DPF3: variants seen among roughly 807,000 people sequenced by gnomAD.
DPF3 encodes double PHD fingers 3.
Under a neutral mutation model 56.8 loss-of-function variants are expected in DPF3, and 18 were observed. That is an observed-to-expected ratio of 0.32 (90% CI 0.22 to 0.47). The LOEUF is 0.47. Ranked by LOEUF, DPF3 falls within the 20% of genes least tolerant of loss-of-function variation. The pLI, the probability that DPF3 is intolerant of heterozygous loss-of-function variation, is 1.00. For missense variants in DPF3, 403 were observed against 488.8 expected, an observed-to-expected ratio of 0.82 and a Z score of 1.65; for synonymous variants, 188 against 180.2, an observed-to-expected ratio of 1.04 and a Z score of -0.35.
intron 1 of DPF3, among the ~76,000 whole-genome samples, chr14:72,869,611 G>A (rs1052469679): frequency 6.6e-6 from 1 of 152,118 alleles, no homozygotes; most frequent in Non-Finnish European, 1.5e-5. Flanking sequence ...TTCCCAGTAA[G>A]AGCATCTCTC....
At chr14:72,823,984 G>A (rs1883672784) in intron 1 of DPF3, among the ~76,000 whole-genome samples, 2 of 152,176 alleles carry the variant, frequency 1.3e-5, no homozygotes, top group Admixed American at 1.3e-4. Flanking sequence ...GGCTTTCTAG[G>A]AGAGGGGACC....
chr14:72,724,590 C>A (rs562120981), intron 4 of DPF3, among the ~76,000 whole-genome samples: 2 of 152,016 alleles, frequency 1.3e-5, no homozygotes, highest in African/African-American at 4.8e-5. Flanking sequence ...TTCCTCTGGG[C>A]TTAAGGGAGG....
At chr14:72,846,518 A>C in intron 1 of DPF3, among the ~76,000 whole-genome samples, 1 of 151,282 alleles carries the variant, frequency 6.6e-6, no homozygotes, top group South Asian at 2.1e-4. Flanking sequence ...TTGTATTTTT[A>C]GTAGAGACGA....
In DPF3 at chr14:72,813,554, C is replaced by A. The variant is rs147089719; in HGVS notation, c.33-41661G>T. On this transcript the variant is annotated intron_variant, in intron 1 of 10. Coordinates refer to ENST00000556509, the MANE Select transcript of DPF3 (RefSeq NM_001280542.3). ...ACAAATATCTCATCCTGGCCTCCCC[C>A]CCGGCACCCATTCCTTTTGGGTCTG... Among the ~76,000 whole-genome samples the A allele has an allele frequency of 4.2e-3, 633 of 152,256 alleles. 10 individuals carry two copies. Among genetic ancestry groups the A allele is most frequent in the East Asian group, 0.028 (142 of 5,156 alleles).
At chr14:72,803,334 C>T (rs1892961178) in intron 1 of DPF3, among the ~76,000 whole-genome samples, 1 of 152,194 alleles carries the variant, frequency 6.6e-6, no homozygotes, top group Admixed American at 6.5e-5. Context: ...GTCAAAAAAG[C>T]TGCTTATGGC....
chr14:72,822,163 A>T (rs1269465535), intron 1 of DPF3, among the ~76,000 whole-genome samples: 1 of 152,162 alleles, frequency 6.6e-6, no homozygotes, highest in Non-Finnish European at 1.5e-5. Flanking sequence ...GGATCACCTG[A>T]GATCAGGAGT....
At chr14:72,706,013 T>G (rs1289020948) in intron 6 of DPF3, among the ~76,000 whole-genome samples, 1 of 152,178 alleles carries the variant, frequency 6.6e-6, no homozygotes, top group East Asian at 1.9e-4. Context: ...CTATGTGACC[T>G]CAGGAAAGTT....
At chr14:72,717,591 T>A (rs893840228) in intron 5 of DPF3, among the ~76,000 whole-genome samples, 5 of 152,240 alleles carry the variant, frequency 3.3e-5, no homozygotes, top group African/African-American at 1.2e-4. Context: ...AAAAATGGCA[T>A]TCTATACTTT....
At chr14:72,780,070 G>A (rs740980) in intron 1 of DPF3, among the ~76,000 whole-genome samples, 29,422 of 152,146 alleles carry the variant, frequency 0.19, 3,660 homozygotes, top group Non-Finnish European at 0.27. Context: ...TAAATGATGA[G>A]TGAATGAGTG....
intron 1 of DPF3, among the ~76,000 whole-genome samples, chr14:72,841,734 G>T (rs564007912): frequency 1.3e-5 from 2 of 152,144 alleles, no homozygotes; most frequent in African/African-American, 4.8e-5. Flanking sequence ...GCATGAGAGT[G>T]GGGGAGAAGA....
intron 8 of DPF3, among the ~76,000 whole-genome samples, chr14:72,660,250 G>C (rs1886168983): frequency 6.6e-6 from 1 of 152,236 alleles, no homozygotes; most frequent in East Asian, 1.9e-4. Context: ...AAACCCTAAG[G>C]AGGGCACCAT....
chr14:72,733,156 A>G (rs925126150), intron 3 of DPF3, among the ~76,000 whole-genome samples: 1 of 151,986 alleles, frequency 6.6e-6, no homozygotes, highest in African/African-American at 2.4e-5. Flanking sequence ...TTACTAAAAT[A>G]TTTCTTCAAC....
intron 1 of DPF3, among the ~76,000 whole-genome samples, chr14:72,876,558 C>T (rs1886124573): frequency 6.6e-6 from 1 of 152,186 alleles, no homozygotes; most frequent in Non-Finnish European, 1.5e-5. Flanking sequence ...TCCCAACCAG[C>T]CAAACAGATC....
chr14:72,833,710 G>A (rs1168423787), intron 1 of DPF3, among the ~76,000 whole-genome samples: 1 of 152,170 alleles, frequency 6.6e-6, no homozygotes, highest in East Asian at 1.9e-4. Flanking sequence ...CCATGCTGGG[G>A]CTGGGGAAGG....
rs1027911450 is a variant in DPF3 at position 72,746,341 on chromosome 14, C to T, written c.301+6923G>A. On this transcript the variant is annotated intron_variant, in intron 3 of 10. Transcript: ENST00000556509. ...TACCACTGACTCCAGGGCACTCCGA[C>T]GGCCTCTTCATTCACCACCCGCAGC... Among the ~76,000 whole-genome samples the T allele has an allele frequency of 3.3e-5, 5 of 152,244 alleles. No homozygotes were observed. The East Asian group carries it at 5.8e-4, about 18-fold the overall frequency.
At chr14:72,694,636 C>T (rs1887833861) in intron 6 of DPF3, among the ~76,000 whole-genome samples, 1 of 152,178 alleles carries the variant, frequency 6.6e-6, no homozygotes, top group African/African-American at 2.4e-5. Context: ...CTCTTCTTCC[C>T]CATATTTACA....
chr14:72,834,372 C>G (rs1193564153), intron 1 of DPF3, among the ~76,000 whole-genome samples: 4 of 151,418 alleles, frequency 2.6e-5, no homozygotes, highest in Non-Finnish European at 5.9e-5. Context: ...TGGCAGGCAT[C>G]TGTAATCCCA....
chr14:72,611,452 C>T lies in DPF3; in HGVS notation c.*7845G>A, dbSNP rs897138378. Among the ~76,000 whole-genome samples the T allele has an allele frequency of 4.6e-5, 7 of 152,208 alleles. No homozygotes were observed. Among genetic ancestry groups the T allele is most frequent in the Non-Finnish European group, 8.8e-5 (6 of 68,044 alleles). On this transcript the variant is annotated 3_prime_UTR_variant, in exon 11 of 11. Transcript: ENST00000556509. ...ACACACCAGCAGTGCCAGATACAGG[C>T]GTGGGGCAGCTGACCTTGCTGGGGT...
chr14:72,679,605 C>T (rs1262967944), intron 7 of DPF3, among the ~76,000 whole-genome samples: 1 of 152,240 alleles, frequency 6.6e-6, no homozygotes, highest in Non-Finnish European at 1.5e-5. Context: ...TTGTTCCCCC[C>T]GCCACCCTCC....
Sources: allele counts gnomAD v4.1 joint callset (sites outside exome capture counted in the v4.1 genomes callset), GRCh38; gene constraint gnomAD v4.1.1; transcripts MANE v1.5; gene names NCBI Gene and HGNC (gene_info 2026-07-23, HGNC 2026-07-21).